Variants in COX15 observed in about 807,000 individuals in gnomAD.
COX15 encodes the protein cytochrome c oxidase assembly factor COX15, also known as heme A synthase COX15.
A neutral mutation model predicts 51.9 loss-of-function variants in COX15; 51 were observed. That is an observed-to-expected ratio of 0.98 (90% CI 0.78 to 1.24). The LOEUF (loss-of-function observed/expected upper bound fraction) is 1.24, where lower values mean the gene tolerates loss of function less well. Among genes scored for constraint, COX15 ranks in the 50% most tolerant of loss-of-function variants. The probability of loss-of-function intolerance (pLI) is 0.00; values close to 1 mark genes in which losing one functional copy is unlikely to be tolerated. For synonymous variants in COX15, 188 were observed against 190.5 expected (o/e 0.99, Z 0.11); for missense variants, 420 against 501.1 (o/e 0.84, Z 1.55).
At chr10:99,708,388 T>A (rs116031404), downstream of COX15, among the ~76,000 whole-genome samples, 1,592 of 152,312 alleles carry the variant, frequency 0.01, 25 homozygotes, top group African/African-American at 0.035. Context: ...GAAAGACAAG[T>A]GAGTGGTATC....
intron 1 of COX15, among the ~76,000 whole-genome samples, chr10:99,731,134 T>C (rs919601248): frequency 5.3e-5 from 8 of 152,190 alleles, no homozygotes; most frequent in Non-Finnish European, 7.3e-5. Flanking sequence ...TCCATTATAA[T>C]CTTATGGGAC....
At chr10:99,697,811 A>G in the COX15 span, 2 of 154,454 alleles carry the variant, frequency 1.3e-5, no homozygotes, top group East Asian at 1.9e-4. Context: ...TGAATAATTA[A>G]CTGCAATTGG....
At chr10:99,707,696 G>A (rs1327532081), downstream of COX15, among the ~76,000 whole-genome samples, 2 of 152,134 alleles carry the variant, frequency 1.3e-5, no homozygotes, top group Admixed American at 6.5e-5. Flanking sequence ...AGGAGTCCGT[G>A]GCTTGTAGTG....
chr10:99,731,248 T>C (rs748595922), intron 1 of COX15, among the ~76,000 whole-genome samples: 7 of 152,182 alleles, frequency 4.6e-5, no homozygotes, highest in Non-Finnish European at 8.8e-5. Flanking sequence ...CTATGAGCTT[T>C]GGGGTGGCAG....
rs765406505 is a variant in COX15 at position 99,727,577 on chromosome 10, A to T, written c.273-14T>A. Reference sequence around the variant, plus strand: ...GACTCTGTCAACCTTAGGATAGGAAAGAAATTTTGGGGTGTATGCGTGAGG... The same window carrying T: ...GACTCTGTCAACCTTAGGATAGGAATGAAATTTTGGGGTGTATGCGTGAGG... On this transcript the variant is annotated splice_polypyrimidine_tract_variant and intron_variant, in intron 2 of 8. Transcript: ENST00000016171. The T allele has an allele frequency of 6.2e-7, 1 of 1,613,038 alleles. No individual in the cohort carries two copies. The highest frequency in any genetic ancestry group is 1.1e-5 in the South Asian group (1 of 91,076).
In COX15 at chr10:99,731,992, G is replaced by A. The variant is rs760060048; in HGVS notation, c.58C>T (p.Leu20Phe). The change falls in exon 1 of 9, where the codon CTC becomes TTC. Residue 20 changes from leucine (L) to phenylalanine (F), a missense_variant. Transcript: ENST00000016171. The part of the protein sequence containing the change: ...RALKGRQYLP[L>F]LAPRAAPRAQ... ...CTAGGCGCTGCCCTAGGAGCCAGGA[G>A]CGGCAGATACTGCCTCCCCTTCAAG... is the stretch of plus-strand genomic sequence containing the variant. 7 of 1,612,650 alleles carry A rather than the reference G, an allele frequency of 4.3e-6. No homozygotes were observed. The highest frequency in any genetic ancestry group is 3.3e-5 in the South Asian group (3 of 90,794).
intron 1 of COX15, among the ~76,000 whole-genome samples, chr10:99,731,241 T>C (rs891871354): frequency 6.6e-6 from 1 of 152,182 alleles, no homozygotes; most frequent in Non-Finnish European, 1.5e-5. Flanking sequence ...CACTAAACTA[T>C]GAGCTTTGGG....
chr10:99,698,940 A>G, the COX15 span: 1 of 1,295,942 alleles, frequency 7.7e-7, no homozygotes, highest in Non-Finnish European at 1.1e-6. Context: ...TGCTGTGCAA[A>G]GGGCTTTGCA....
rs747288608 is a variant in COX15 at position 99,731,977 on chromosome 10, C to T, written c.73G>A (p.Ala25Thr). ...TGCGGTACCTGTGCTCTAGGCGCTG[C>T]CCTAGGAGCCAGGAGCGGCAGATAC... ...RQYLPLLAPR[A>T]APRAQCDCIR... is the part of the protein sequence containing the mutation. Residue 25 changes from alanine (A) to threonine (T), a missense_variant, in exon 1 of 9, where the codon GCA becomes ACA. Ala to Thr is a moderately conservative substitution (Grantham distance 58, BLOSUM62 0). Coordinates refer to ENST00000016171, the MANE Select transcript of COX15 (RefSeq NM_078470.6). 1 of 1,611,692 alleles carries T rather than the reference C, an allele frequency of 6.2e-7. No homozygotes were observed. Among genetic ancestry groups the T allele is most frequent in the African/African-American group, 1.3e-5 (1 of 74,912 alleles).
Position 99,711,266 on chromosome 10 carries a change from T to C in COX15, c.*3321A>G, listed in dbSNP as rs2036374656. ...ACTTACTCATGAGTTGCTACTTCCT[T>C]GGAGGCAACTGTAGAAGCATTAATA... is the stretch of plus-strand genomic sequence containing the variant. On this transcript the variant is annotated 3_prime_UTR_variant, in exon 9 of 9. Transcript: ENST00000016171. 1.0e-6 allele frequency: 1 copy of C among 985,322 alleles called. No individual in the cohort carries two copies. The highest frequency in any genetic ancestry group is 4.7e-5 in the South Asian group (1 of 21,288). The allele number at this position is 985,322 out of a possible 1,614,324, so 61.0% of individuals were successfully genotyped here.
chr10:99,719,242 C>T (rs1176546347), intron 6 of COX15, among the ~76,000 whole-genome samples: 5 of 150,940 alleles, frequency 3.3e-5, no homozygotes, highest in African/African-American at 4.9e-5. Context: ...TTTTTTGAGA[C>T]GCAGTCTGGC....
chr10:99,704,968 G>A, the COX15 span: 12 of 414,940 alleles, frequency 2.9e-5, no homozygotes, highest in Admixed American at 7.5e-5. Context: ...GAGAGGTCTG[G>A]TGTGTTCCTA....
At chr10:99,694,756 C>G in the COX15 span, among the ~76,000 whole-genome samples, 1 of 151,976 alleles carries the variant, frequency 6.6e-6, no homozygotes, top group Non-Finnish European at 1.5e-5. Flanking sequence ...AGGCTGGTCT[C>G]GAACTCCTGG....
At chr10:99,700,950 C>T in the COX15 span, 3 of 1,604,732 alleles carry the variant, frequency 1.9e-6, no homozygotes, top group East Asian at 2.2e-5. Context: ...TCATGTTGCA[C>T]TATTTCTCTG....
the COX15 span, among the ~76,000 whole-genome samples, chr10:99,700,321 C>T: frequency 6.6e-6 from 1 of 152,052 alleles, no homozygotes; most frequent in Admixed American, 6.6e-5. Context: ...TCCAAAATGA[C>T]AACGCTCCCC....
rs776066477 is a variant in COX15, at chr10:99,727,094, G to C, written c.456C>G (p.His152Gln). 1 of 1,614,078 alleles carries C rather than the reference G, an allele frequency of 6.2e-7. No individual in the cohort carries two copies. The highest frequency in any genetic ancestry group is 1.3e-5 in the African/African-American group (1 of 74,926). Residue 152 changes from histidine to glutamine, a missense_variant, in exon 4 of 9, where the codon CAC becomes CAG. His to Gln is a conservative substitution (Grantham distance 24). Transcript: ENST00000016171. ...GGCCTACAAGGCGACCCCACATTCG[G>C]TGTGAGTACTCCATGTACCAGATGA... The part of the protein sequence containing the change: ...FKFIWYMEYS[H>Q]RMWGRLVGLV...
chr10:99,731,398 C>A (rs1211348709), intron 1 of COX15, among the ~76,000 whole-genome samples: 2 of 152,168 alleles, frequency 1.3e-5, no homozygotes, highest in African/African-American at 4.8e-5. Flanking sequence ...ATTTATCTTT[C>A]TTTTTCCAGT....
chr10:99,729,841 A>G (rs958746171), intron 1 of COX15, 107 bp from the exon 2 acceptor site: 17 of 1,079,248 alleles, frequency 1.6e-5, no homozygotes, highest in Non-Finnish European at 2.2e-5. Flanking sequence ...CCCCACAGCC[A>G]TGTCTTGTTA....
At chr10:99,710,818 G>T (rs1268591992), downstream of COX15, 1 of 985,258 alleles carries the variant, frequency 1.0e-6, no homozygotes, top group South Asian at 4.7e-5. Flanking sequence ...TGCTACAATA[G>T]ATAGTATTTG....
Sources: allele counts gnomAD v4.1 joint callset (sites outside exome capture counted in the v4.1 genomes callset), GRCh38; gene constraint gnomAD v4.1.1; transcripts MANE v1.5; gene names NCBI Gene and HGNC (gene_info 2026-07-23, HGNC 2026-07-21).